The following RBFOX3 variants were observed in gnomAD, a reference collection of about 807,000 sequenced individuals.
RBFOX3 encodes RNA binding protein fox-1 homolog 3.
RBFOX3 carries 17 observed loss-of-function variants against 48.7 expected under a neutral mutation model. That is an observed-to-expected ratio of 0.35 (90% CI 0.24 to 0.52). The LOEUF (loss-of-function observed/expected upper bound fraction) is 0.52, where lower values mean the gene tolerates loss of function less well. RBFOX3 is among the 20% of genes least tolerant of loss of function. The pLI is 0.94. For synonymous variants in RBFOX3, 212 were observed against 209.5 expected, an observed-to-expected ratio of 1.01 and a Z score of -0.10; for missense variants, 382 against 497.5, an observed-to-expected ratio of 0.77 and a Z score of 2.21.
chr17:79,646,230 G>A, the RBFOX3 span, among the ~76,000 whole-genome samples: 1 of 152,164 alleles, frequency 6.6e-6, no homozygotes, highest in Non-Finnish European at 1.5e-5. Context: ...GAGACCCAGG[G>A]TATTCTTGCA....
At chr17:79,450,305 T>C (rs144464865) in intron 2 of RBFOX3, among the ~76,000 whole-genome samples, 81 of 152,306 alleles carry the variant, frequency 5.3e-4, no homozygotes, top group African/African-American at 1.9e-3. Flanking sequence ...AGGCTGTGAA[T>C]GAAGGCCTGG....
chr17:79,169,829 A>T (rs988093092), intron 4 of RBFOX3, among the ~76,000 whole-genome samples: 2 of 152,208 alleles, frequency 1.3e-5, no homozygotes, highest in Non-Finnish European at 2.9e-5. Flanking sequence ...ATATACTGAA[A>T]ACCACGGAAC....
chr17:79,279,577 C>T lies in RBFOX3; in HGVS notation c.-74+28147G>A, dbSNP rs1051671298. ...TGACCCAGTCCAAATAACCTATGTG[C>T]CAGCCAGTTGTTTCTGGTCACCCTG... On this transcript the variant is annotated intron_variant, in intron 3 of 14. Coordinates refer to ENST00000693108, the MANE Select transcript of RBFOX3 (RefSeq NM_001350451.2). Among the ~76,000 whole-genome samples the T allele has an allele frequency of 3.9e-5, 6 of 152,200 alleles. No homozygotes were observed. In the East Asian group the frequency reaches 7.7e-4, roughly 20 times the overall value.
chr17:79,340,863 G>A (rs1245652181), intron 2 of RBFOX3, among the ~76,000 whole-genome samples: 2 of 152,218 alleles, frequency 1.3e-5, no homozygotes, highest in South Asian at 2.1e-4. Context: ...AACAACTGTG[G>A]TACTTGAATC....
chr17:79,659,351 C>G, the RBFOX3 span, among the ~76,000 whole-genome samples: 1 of 152,094 alleles, frequency 6.6e-6, no homozygotes, highest in Non-Finnish European at 1.5e-5. Context: ...GGTCAAGCGG[C>G]CTGTTGTGGA....
chr17:79,101,965 C>G (rs1386534454), intron 8 of RBFOX3, among the ~76,000 whole-genome samples: 1 of 152,236 alleles, frequency 6.6e-6, no homozygotes, highest in African/African-American at 2.4e-5. Flanking sequence ...ACAGAGTGCT[C>G]TCTGACCAGA....
intron 1 of RBFOX3, chr17:79,601,589 A>G (rs926953209): frequency 1.1e-4 from 17 of 152,240 alleles, no homozygotes; most frequent in Admixed American, 2.6e-4. Flanking sequence ...TTTCTGAAAA[A>G]TTATCCTTGG....
rs556721156 is a variant in RBFOX3, at chr17:79,299,518, C to T, written c.-74+8206G>A. On this transcript the variant is annotated intron_variant, in intron 3 of 14. Coordinates refer to ENST00000693108, the MANE Select transcript of RBFOX3 (RefSeq NM_001350451.2). The surrounding 1 kb of genome is among the most constrained non-coding windows in gnomAD (Gnocchi z 4.5). ...ACATTGTATGAGGCCTTGTGCGTCA[C>T]CTAGAGGTGATCTCCAGGGTACTGG... Among the ~76,000 whole-genome samples, 3 of 152,214 alleles carry T rather than the reference C, an allele frequency of 2.0e-5. No individual in the cohort carries two copies. The highest frequency in any genetic ancestry group is 4.4e-5 in the Non-Finnish European group (3 of 68,038).
intron 4 of RBFOX3, among the ~76,000 whole-genome samples, chr17:79,229,022 G>A (rs1349933686): frequency 2.3e-5 from 1 of 42,842 alleles, no homozygotes; most frequent in Non-Finnish European, 4.8e-5. Flanking sequence ...GAGGTCAGGA[G>A]TTCAAGACCA....
chr17:79,565,330 A>G (rs2092416430), intron 1 of RBFOX3, among the ~76,000 whole-genome samples: 1 of 150,106 alleles, frequency 6.7e-6, no homozygotes. Flanking sequence ...CAAACAATAC[A>G]TTTAGGACAT....
intron 1 of RBFOX3, among the ~76,000 whole-genome samples, chr17:79,560,314 T>G (rs2092124585): frequency 6.6e-6 from 1 of 152,102 alleles, no homozygotes; most frequent in African/African-American, 2.4e-5. Flanking sequence ...ACAGGGATAC[T>G]TTGCGAACTG....
chr17:79,183,373 C>A (rs1349041645), intron 4 of RBFOX3: 1 of 152,206 alleles, frequency 6.6e-6, no homozygotes, highest in Non-Finnish European at 1.5e-5. Context: ...CAGCATGGGG[C>A]GGCAGGGGGG....
chr17:79,431,122 T>C (rs193175091), intron 2 of RBFOX3, among the ~76,000 whole-genome samples: 25 of 152,292 alleles, frequency 1.6e-4, no homozygotes, highest in African/African-American at 5.8e-4. Context: ...TCATGGGTAT[T>C]GCACATGAAA....
At chr17:79,345,814 G>A (rs906955254) in intron 2 of RBFOX3, among the ~76,000 whole-genome samples, 2 of 152,002 alleles carry the variant, frequency 1.3e-5, no homozygotes, top group Non-Finnish European at 2.9e-5. Flanking sequence ...GAATTAAAAA[G>A]CACTTATTTT....
chr17:79,561,937 G>A (rs1205237165), intron 1 of RBFOX3, among the ~76,000 whole-genome samples: 2 of 152,180 alleles, frequency 1.3e-5, no homozygotes, highest in African/African-American at 2.4e-5. Context: ...GAGTCCCACT[G>A]CTGGGTGGGC....
intron 3 of RBFOX3, among the ~76,000 whole-genome samples, chr17:79,293,547 G>T (rs1264009950): frequency 2.0e-5 from 3 of 151,650 alleles, no homozygotes; most frequent in Non-Finnish European, 4.4e-5. Flanking sequence ...CCACCTTCTG[G>T]GTTCAAGTGA....
rs971907962 is a variant in RBFOX3 at position 79,584,541 on chromosome 17, T to C, written c.-320+26285A>G. 8.5e-4 allele frequency among the ~76,000 whole-genome samples: 122 copies of C among 143,458 alleles called. 3 individuals are homozygous for C. The South Asian group carries it at 0.019, about 23-fold the overall frequency. 94.1% of individuals were successfully genotyped at this position (143,458 alleles called of 152,430 possible). ...ATAAAGAAAATGTTATATATACATA[T>C]GTGTGTGTATGTGTGTGTGTGTGTG... On this transcript the variant is annotated intron_variant, in intron 1 of 14. Transcript: ENST00000693108.
intron 1 of RBFOX3, among the ~76,000 whole-genome samples, chr17:79,509,054 A>C (rs2083651760): frequency 6.6e-6 from 1 of 152,164 alleles, no homozygotes. Flanking sequence ...AGCCCAGGGC[A>C]GGCAGACACT....
chr17:79,571,344 C>T (rs2092670670), intron 1 of RBFOX3, among the ~76,000 whole-genome samples: 1 of 152,188 alleles, frequency 6.6e-6, no homozygotes. Flanking sequence ...AGAGCCCTGA[C>T]CTGGCCTCTG....
Sources: allele counts gnomAD v4.1 joint callset (sites outside exome capture counted in the v4.1 genomes callset), GRCh38; gene constraint gnomAD v4.1.1; non-coding constraint Gnocchi (gnomAD v3.1); transcripts MANE v1.5; gene names NCBI Gene and HGNC (gene_info 2026-07-23, HGNC 2026-07-21).